ATP2C2: variants seen among roughly 807,000 people sequenced by gnomAD.
ATP2C2 encodes the protein calcium-transporting ATPase type 2C member 2.
Under a neutral mutation model 110.8 loss-of-function variants are expected in ATP2C2, and 171 were observed. That is an observed-to-expected ratio of 1.54 (90% CI 1.36 to 1.75). ATP2C2 has a LOEUF of 1.75. ATP2C2 is among the 40% of genes most tolerant of loss of function. The pLI, the probability that ATP2C2 is intolerant of heterozygous loss-of-function variation, is 0.00. For synonymous variants in ATP2C2, 804 were observed against 508.4 expected, an observed-to-expected ratio of 1.58 and a Z score of -7.82; for missense variants, 1,963 against 1,235.0, an observed-to-expected ratio of 1.59 and a Z score of -8.84.
At chr16:84,447,500 A>G (rs770298344) in intron 16 of ATP2C2, among the ~76,000 whole-genome samples, 2 of 151,912 alleles carry the variant, frequency 1.3e-5, no homozygotes, top group Non-Finnish European at 2.9e-5. Context: ...TAAATATGCA[A>G]ACGACAACAT....
At chr16:84,385,932 A>C (rs1354463356) in intron 1 of ATP2C2, among the ~76,000 whole-genome samples, 2 of 152,238 alleles carry the variant, frequency 1.3e-5, no homozygotes, top group Non-Finnish European at 2.9e-5. Context: ...TCAGAGTCCT[A>C]GTTGATTAAA....
intron 1 of ATP2C2, among the ~76,000 whole-genome samples, chr16:84,369,757 T>G (rs976231488): frequency 4.6e-5 from 7 of 152,242 alleles, no homozygotes; most frequent in African/African-American, 1.4e-4. Context: ...TATTCGTGCT[T>G]TTTTAAAAAT....
At chr16:84,462,868 A>C (rs1419160017) in intron 26 of ATP2C2, 3 of 152,962 alleles carry the variant, frequency 2.0e-5, no homozygotes, top group Non-Finnish European at 4.4e-5. Flanking sequence ...TCAGATCTGG[A>C]GGGTCATGGG....
At chr16:84,446,681 A>C (rs777853631) in intron 16 of ATP2C2, among the ~76,000 whole-genome samples, 16 of 152,198 alleles carry the variant, frequency 1.1e-4, no homozygotes, top group Non-Finnish European at 2.1e-4. Flanking sequence ...GCGAGACTTT[A>C]TTAGAAATGC....
At position 84,452,655 on chromosome 16, in the gene ATP2C2, C is replaced by T. The variant is rs563308218; in HGVS notation, c.1832-483C>T. On this transcript the variant is annotated intron_variant, in intron 18 of 26. Coordinates refer to ENST00000262429, the MANE Select transcript of ATP2C2 (RefSeq NM_014861.4). ...CTGGGACTACAGGCACCCACCACCG[C>T]GCCCAGCTAATTTTTTGTATTTTAG... Among the ~76,000 whole-genome samples, 70 of 152,148 alleles carry T rather than the reference C, an allele frequency of 4.6e-4. 1 individual carries two copies. The South Asian group carries it at 0.013, about 28-fold the overall frequency.
At chr16:84,378,017 C>T (rs969726342) in intron 1 of ATP2C2, among the ~76,000 whole-genome samples, 5 of 152,104 alleles carry the variant, frequency 3.3e-5, no homozygotes, top group Non-Finnish European at 5.9e-5. Context: ...TGTTGTTTGG[C>T]CCACCTTGAA....
intron 1 of ATP2C2, among the ~76,000 whole-genome samples, chr16:84,375,877 TA>T (rs949727328): frequency 3.2e-4 from 48 of 151,842 alleles, no homozygotes; most frequent in African/African-American, 1.2e-3. Context: ...ATGTGAAAAA[TA>T]AAGAGGAAGT....
chr16:84,448,500 G>C, intron 16 of ATP2C2, 33 bp from the exon 17 acceptor site: 2 of 1,589,446 alleles, frequency 1.3e-6, no homozygotes, highest in East Asian at 2.3e-5. Context: ...GGCTTCCAGT[G>C]ATAGTGGATT....
chr16:84,422,282 G>T (rs1322229558), intron 7 of ATP2C2, 108 bp from the exon 8 acceptor site: 1 of 1,323,838 alleles, frequency 7.6e-7, no homozygotes, highest in East Asian at 2.3e-5. Context: ...TAGGTTCACT[G>T]TGTTCTTGAG....
chr16:84,409,909 C>T (rs528039573), intron 4 of ATP2C2, among the ~76,000 whole-genome samples: 5 of 152,082 alleles, frequency 3.3e-5, no homozygotes, highest in Admixed American at 6.6e-5. Flanking sequence ...TTCCTACTTC[C>T]AATTAAAAGG....
intron 13 of ATP2C2, among the ~76,000 whole-genome samples, chr16:84,440,266 G>C (rs1434140749): frequency 1.3e-5 from 2 of 152,240 alleles, no homozygotes; most frequent in Admixed American, 1.3e-4. Context: ...CCAAGTCCTT[G>C]CGTGTTTTTC....
intron 2 of ATP2C2, chr16:84,404,775 C>A: frequency 2.8e-6 from 1 of 354,550 alleles, no homozygotes; most frequent in South Asian, 2.2e-5. Flanking sequence ...CACACAGTTT[C>A]CATAACAGCT....
At chr16:84,399,080 C>G (rs12924247) in intron 2 of ATP2C2, among the ~76,000 whole-genome samples, 27,538 of 152,238 alleles carry the variant, frequency 0.18, 2,831 homozygotes, top group Non-Finnish European at 0.23. Flanking sequence ...CCAAGTTTCT[C>G]AAGTGAGTTT....
In ATP2C2 at chr16:84,455,095, G is replaced by T. The variant is rs1158444683; in HGVS notation, c.2147+111G>T. ...AGGGGGGGGTCTCGCGGAGTCCCCAGGGAGAGCTGAATCTCGGGGCTCGTC... is the reference window on the plus strand; with the variant it reads ...AGGGGGGGGTCTCGCGGAGTCCCCATGGAGAGCTGAATCTCGGGGCTCGTC... On this transcript the variant is annotated intron_variant, in intron 21 of 26. Transcript: ENST00000262429. 8.0e-6 allele frequency: 11 copies of T among 1,370,356 alleles called. No homozygotes were observed. In the East Asian group the frequency reaches 2.2e-4, roughly 28 times the overall value. 84.9% of individuals were successfully genotyped at this position (1,370,356 alleles called of 1,614,324 possible).
At chr16:84,405,000 C>T (rs774298792) in intron 2 of ATP2C2, 128 bp from the exon 3 acceptor site, 5 of 825,860 alleles carry the variant, frequency 6.1e-6, no homozygotes, top group Admixed American at 5.1e-5. Flanking sequence ...GTCCCAGCAC[C>T]TTGGTGGACA....
rs755009349 is a variant in ATP2C2 at position 84,368,596 on chromosome 16, A to T, written c.-20A>T. On this transcript the variant is annotated 5_prime_UTR_variant, in exon 1 of 27. Transcript: ENST00000262429. ...TCGCCGGGGACCTAGGGACGCAGGCAACGCCTGCGCCCGCTCACCATGGTC... is the reference window on the plus strand; with the variant it reads ...TCGCCGGGGACCTAGGGACGCAGGCTACGCCTGCGCCCGCTCACCATGGTC... 3 of 1,530,884 alleles carry T rather than the reference A, an allele frequency of 2.0e-6. No individual in the cohort carries two copies. Among genetic ancestry groups the T allele is most frequent in the Non-Finnish European group, 2.6e-6 (3 of 1,132,414 alleles). 94.8% of individuals were successfully genotyped at this position (1,530,884 alleles called of 1,614,324 possible).
At chr16:84,430,862 C>T (rs247842) in intron 11 of ATP2C2, among the ~76,000 whole-genome samples, 53,757 of 151,836 alleles carry the variant, frequency 0.35, 10,522 homozygotes, top group Non-Finnish European at 0.44. Flanking sequence ...GACTTCAAAC[C>T]ACTGAAGCCT....
At chr16:84,375,204 A>G (rs148339761) in intron 1 of ATP2C2, among the ~76,000 whole-genome samples, 2 of 152,364 alleles carry the variant, frequency 1.3e-5, no homozygotes, top group Non-Finnish European at 2.9e-5. Flanking sequence ...AGCATATGTA[A>G]TGACACAGTG....
intron 20 of ATP2C2, 121 bp downstream of exon 20, chr16:84,453,492 A>C: frequency 7.4e-7 from 1 of 1,345,330 alleles, no homozygotes; most frequent in South Asian, 1.2e-5. Flanking sequence ...TTCCTTCTCT[A>C]GGTCCAGGGC....
Sources: allele counts gnomAD v4.1 joint callset (sites outside exome capture counted in the v4.1 genomes callset), GRCh38; gene constraint gnomAD v4.1.1; transcripts MANE v1.5; gene names NCBI Gene and HGNC (gene_info 2026-07-23, HGNC 2026-07-21).